Variants in ERC2 observed in about 807,000 individuals in gnomAD.
The protein encoded by ERC2 is ERC protein 2.
A neutral mutation model predicts 114.8 loss-of-function variants in ERC2; 42 were observed. The observed-to-expected ratio is 0.37, with a 90% CI of 0.29 to 0.47. The LOEUF (loss-of-function observed/expected upper bound fraction) is 0.47. ERC2 is among the 20% of genes least tolerant of loss of function. ERC2 has a pLI of 0.99. For missense variants in ERC2, 939 were observed against 1,150.7 expected (o/e 0.82, Z 2.66); for synonymous variants, 454 against 425.5 (o/e 1.07, Z -0.82).
chr3:55,808,412 A>G (rs1162618275), intron 14 of ERC2, among the ~76,000 whole-genome samples: 1 of 152,056 alleles, frequency 6.6e-6, no homozygotes, highest in Non-Finnish European at 1.5e-5. Context: ...AATTCTTTTT[A>G]CAGTCACAAA....
Position 55,646,179 on chromosome 3 carries a change from G to A in ERC2, c.*39+37615C>T, listed in dbSNP as rs541488844. 5.3e-5 allele frequency among the ~76,000 whole-genome samples: 8 copies of A among 152,228 alleles called. No homozygotes were observed. In the East Asian group the frequency reaches 5.8e-4, roughly 11 times the overall value. On this transcript the variant is annotated intron_variant, in intron 17 of 17. Transcript: ENST00000288221. ...ATTGTGTTTCTGGATAACAAGGTGT[G>A]CCTGTGTTTCTTTCTTGCATATCGG...
chr3:55,756,752 A>G (rs1476944069), intron 14 of ERC2, among the ~76,000 whole-genome samples: 2 of 152,180 alleles, frequency 1.3e-5, no homozygotes, highest in African/African-American at 4.8e-5. Flanking sequence ...CTTTTTAGAA[A>G]GAATAGTCAG....
chr3:56,051,826 AACAC>A (rs370057271), intron 7 of ERC2, among the ~76,000 whole-genome samples: 10,019 of 129,750 alleles, frequency 0.077, 397 homozygotes, highest in East Asian at 0.16. Flanking sequence ...CTCCATCTCA[AACAC>A]ACACACACAC....
intron 14 of ERC2, among the ~76,000 whole-genome samples, chr3:55,808,802 G>C (rs578163867): frequency 8.9e-4 from 123 of 137,514 alleles, no homozygotes; most frequent in African/African-American, 3.3e-3. Flanking sequence ...GACTCTACTA[G>C]TCCTTTTCCC....
intron 14 of ERC2, among the ~76,000 whole-genome samples, chr3:55,780,639 T>G (rs963785955): frequency 2.2e-4 from 34 of 152,344 alleles, no homozygotes; most frequent in African/African-American, 7.9e-4. Flanking sequence ...CATATGCCAG[T>G]CTTTATGTGG....
chr3:56,252,890 A>T (rs2150237391), intron 3 of ERC2, among the ~76,000 whole-genome samples: 1 of 152,288 alleles, frequency 6.6e-6, no homozygotes, highest in African/African-American at 2.4e-5. Context: ...ACTTAAATAG[A>T]TCTTCACTTG....
chr3:55,885,990 C>T (rs570718201), intron 14 of ERC2, among the ~76,000 whole-genome samples: 14 of 152,246 alleles, frequency 9.2e-5, no homozygotes, highest in African/African-American at 3.1e-4. Flanking sequence ...TGAAAGTATA[C>T]GCTCCTTTTA....
intron 14 of ERC2, among the ~76,000 whole-genome samples, chr3:55,774,042 G>A (rs977068991): frequency 1.3e-5 from 2 of 152,124 alleles, no homozygotes; most frequent in Non-Finnish European, 2.9e-5. Context: ...ACATCCTTCT[G>A]GCTGCCCTGC....
intron 17 of ERC2, among the ~76,000 whole-genome samples, chr3:55,590,152 C>T (rs1291713257): frequency 6.6e-6 from 1 of 152,046 alleles, no homozygotes; most frequent in African/African-American, 2.4e-5. Context: ...GGCCAATGAA[C>T]AAATGAAAAT....
intron 3 of ERC2, among the ~76,000 whole-genome samples, chr3:56,176,422 G>A (rs1284124032): frequency 6.6e-6 from 1 of 152,032 alleles, no homozygotes; most frequent in Non-Finnish European, 1.5e-5. Flanking sequence ...CAATAAAAAA[G>A]CTAAACTTGT....
intron 2 of ERC2, among the ~76,000 whole-genome samples, chr3:56,339,734 C>T (rs1162122793): frequency 6.6e-6 from 1 of 152,120 alleles, no homozygotes. Flanking sequence ...TCTGAAACTC[C>T]CTTCTGCCCC....
At chr3:55,597,419 C>CAAAA (rs34105072) in intron 17 of ERC2, among the ~76,000 whole-genome samples, 1 of 128,462 alleles carries the variant, frequency 7.8e-6, no homozygotes, top group Non-Finnish European at 1.6e-5. Context: ...GACTCCAACT[C>CAAAA]AAAAAAAAAA....
intron 3 of ERC2, among the ~76,000 whole-genome samples, chr3:56,287,265 T>C (rs2054783412): frequency 6.6e-6 from 1 of 152,226 alleles, no homozygotes; most frequent in Non-Finnish European, 1.5e-5. Context: ...AAGTTGGTTT[T>C]GGGAGACAAA....
chr3:55,787,252 C>A (rs925615848), intron 14 of ERC2, among the ~76,000 whole-genome samples: 1 of 151,974 alleles, frequency 6.6e-6, no homozygotes, highest in Non-Finnish European at 1.5e-5. Context: ...CCTGTCTCTA[C>A]CAAAAATACA....
intron 15 of ERC2, among the ~76,000 whole-genome samples, chr3:55,727,494 G>A (rs1320745643): frequency 6.6e-6 from 1 of 152,068 alleles, no homozygotes; most frequent in Non-Finnish European, 1.5e-5. Flanking sequence ...AAGTTAATTT[G>A]TACTGCTCTT....
intron 17 of ERC2, among the ~76,000 whole-genome samples, chr3:55,663,248 TA>T (rs1329661289): frequency 1.3e-5 from 2 of 152,132 alleles, no homozygotes; most frequent in Non-Finnish European, 2.9e-5. Context: ...CCTTAAAAAC[TA>T]AATCCTAACC....
At chr3:56,194,305 T>C (rs2047964512) in intron 3 of ERC2, among the ~76,000 whole-genome samples, 1 of 152,084 alleles carries the variant, frequency 6.6e-6, no homozygotes, top group African/African-American at 2.4e-5. Context: ...AAAAAAAAGG[T>C]ATTTGCAGAT....
chr3:56,449,022 C>T (rs1351313064), intron 1 of ERC2, among the ~76,000 whole-genome samples: 1 of 148,648 alleles, frequency 6.7e-6, no homozygotes, highest in African/African-American at 2.5e-5. Flanking sequence ...TTGCAGTCAG[C>T]CGAGATTGTG....
intron 14 of ERC2, among the ~76,000 whole-genome samples, chr3:55,861,046 G>A (rs768430682): frequency 3.9e-5 from 6 of 152,142 alleles, no homozygotes; most frequent in Non-Finnish European, 7.3e-5. Flanking sequence ...CTGTAGCTAC[G>A]CTATTTTCAA....
Sources: allele counts gnomAD v4.1 joint callset (sites outside exome capture counted in the v4.1 genomes callset), GRCh38; gene constraint gnomAD v4.1.1; transcripts MANE v1.5; gene names NCBI Gene and HGNC (gene_info 2026-07-23, HGNC 2026-07-21).